Variants in NELL1 observed in about 807,000 individuals in gnomAD.
NELL1 encodes protein kinase C-binding protein NELL1.
A neutral mutation model predicts 107.4 loss-of-function variants in NELL1; 76 were observed. The ratio of observed to expected loss-of-function variants is 0.71; its 90% CI spans 0.59 to 0.86. The LOEUF is 0.86. NELL1 is among the 40% of genes least tolerant of loss of function. The probability of loss-of-function intolerance (pLI) is 0.00; values close to 1 mark genes in which losing one functional copy is unlikely to be tolerated. For synonymous variants in NELL1, 353 were observed against 341.2 expected (o/e 1.03, Z -0.38); for missense variants, 1,024 against 1,005.5 (o/e 1.02, Z -0.25).
chr11:21,200,788 T>C (rs1857252517), intron 13 of NELL1, among the ~76,000 whole-genome samples: 1 of 152,260 alleles, frequency 6.6e-6, no homozygotes, highest in Non-Finnish European at 1.5e-5. Flanking sequence ...AAGTCTTTAA[T>C]CCATCTTGAG....
chr11:20,758,511 T>C (rs560399293), intron 2 of NELL1, among the ~76,000 whole-genome samples: 8 of 152,100 alleles, frequency 5.3e-5, no homozygotes, highest in African/African-American at 4.8e-5. Flanking sequence ...CAACTGACAA[T>C]AGAGAGAGGT....
At chr11:21,462,956 G>T (rs1030900569) in intron 15 of NELL1, among the ~76,000 whole-genome samples, 1 of 152,004 alleles carries the variant, frequency 6.6e-6, no homozygotes, top group African/African-American at 2.4e-5. Flanking sequence ...ACTTGTCAAG[G>T]CAAAAGGAAC....
At chr11:20,852,350 C>T (rs1848809652) in intron 4 of NELL1, among the ~76,000 whole-genome samples, 1 of 152,148 alleles carries the variant, frequency 6.6e-6, no homozygotes, top group South Asian at 2.1e-4. Context: ...TCTTGAAAAG[C>T]ATGCAGAATC....
intron 15 of NELL1, among the ~76,000 whole-genome samples, chr11:21,383,143 G>C (rs1945450): frequency 0.07 from 10,672 of 151,972 alleles, 1,022 homozygotes; most frequent in African/African-American, 0.22. Flanking sequence ...TAGTAGGACT[G>C]ACTGAATGAT....
chr11:21,399,445 C>G (rs1478735528), intron 15 of NELL1, among the ~76,000 whole-genome samples: 1 of 151,732 alleles, frequency 6.6e-6, no homozygotes, highest in Non-Finnish European at 1.5e-5. Context: ...TAATGTGTAT[C>G]ATTAAGCAAC....
chr11:21,372,003 A>T (rs1851367656), intron 15 of NELL1, among the ~76,000 whole-genome samples: 1 of 152,114 alleles, frequency 6.6e-6, no homozygotes, highest in African/African-American at 2.4e-5. Context: ...GACATGCCAA[A>T]AGGTAACTAA....
At chr11:20,690,325 G>C (rs1276658886) in intron 2 of NELL1, among the ~76,000 whole-genome samples, 1 of 152,194 alleles carries the variant, frequency 6.6e-6, no homozygotes, top group African/African-American at 2.4e-5. Flanking sequence ...TGTTGCCATT[G>C]CTTTTGGTGT....
At chr11:21,505,101 C>T (rs898328913) in intron 15 of NELL1, among the ~76,000 whole-genome samples, 2 of 152,036 alleles carry the variant, frequency 1.3e-5, no homozygotes, top group African/African-American at 4.8e-5. Context: ...ATGTGAAGCC[C>T]GGAATGGCAT....
chr11:21,168,408 A>T (rs1412448148), intron 13 of NELL1, among the ~76,000 whole-genome samples: 1 of 151,812 alleles, frequency 6.6e-6, no homozygotes, highest in Non-Finnish European at 1.5e-5. Context: ...CAATTTATGT[A>T]TAATATTCTT....
intron 12 of NELL1, among the ~76,000 whole-genome samples, chr11:21,042,288 T>C (rs1444431094): frequency 6.6e-6 from 1 of 152,170 alleles, no homozygotes; most frequent in African/African-American, 2.4e-5. Flanking sequence ...TATTGTTGTA[T>C]GGGATTCATA....
chr11:20,849,466 G>A (rs1187859968), intron 4 of NELL1, among the ~76,000 whole-genome samples: 1 of 152,148 alleles, frequency 6.6e-6, no homozygotes, highest in Non-Finnish European at 1.5e-5. Context: ...TACTCTGTAT[G>A]TCCTTCATGG....
chr11:21,557,497 T>C (rs1031769228), intron 16 of NELL1, among the ~76,000 whole-genome samples: 1 of 152,008 alleles, frequency 6.6e-6, no homozygotes, highest in African/African-American at 2.4e-5. Context: ...TTACCAACCC[T>C]TTTGTAGCCA....
intron 14 of NELL1, among the ~76,000 whole-genome samples, chr11:21,306,762 GTTA>G (rs1452298474): frequency 1.3e-5 from 2 of 152,016 alleles, no homozygotes; most frequent in African/African-American, 4.8e-5. Context: ...TGAGCACAAG[GTTA>G]TTACACTGTA....
intron 2 of NELL1, among the ~76,000 whole-genome samples, chr11:20,744,323 A>G (rs756265525): frequency 8.5e-5 from 13 of 152,198 alleles, no homozygotes; most frequent in Non-Finnish European, 5.9e-5. Flanking sequence ...TTTCTATCTC[A>G]TCCATATTAT....
intron 14 of NELL1, among the ~76,000 whole-genome samples, chr11:21,304,772 C>T (rs961846304): frequency 3.3e-5 from 5 of 151,858 alleles, no homozygotes; most frequent in African/African-American, 1.2e-4. Flanking sequence ...ATTGTTTCTT[C>T]CATTTCCCCT....
intron 16 of NELL1, among the ~76,000 whole-genome samples, chr11:21,554,907 A>C (rs1856670043): frequency 6.6e-6 from 1 of 151,932 alleles, no homozygotes; most frequent in Non-Finnish European, 1.5e-5. Flanking sequence ...AGTGCCAGGC[A>C]AACTGGTATC....
intron 15 of NELL1, among the ~76,000 whole-genome samples, chr11:21,409,364 A>G (rs1011594648): frequency 4.6e-5 from 7 of 152,036 alleles, no homozygotes; most frequent in Non-Finnish European, 8.8e-5. Flanking sequence ...TCTCACTCAT[A>G]GGTGGGAATT....
chr11:21,511,799 G>A (rs1223922463), intron 15 of NELL1, among the ~76,000 whole-genome samples: 2 of 152,142 alleles, frequency 1.3e-5, no homozygotes, highest in African/African-American at 4.8e-5. Context: ...AGAATGGTAT[G>A]GGATGAGAAA....
At position 20,857,274 on chromosome 11, in the gene NELL1, T is replaced by A. The variant is rs536408878; in HGVS notation, c.506+9521T>A. Among the ~76,000 whole-genome samples, 3 of 150,692 alleles carry A rather than the reference T, an allele frequency of 2.0e-5. No individual in the cohort carries two copies. In the South Asian group the frequency reaches 6.3e-4, roughly 32 times the overall value. On this transcript the variant is annotated intron_variant, in intron 4 of 19. Coordinates refer to ENST00000357134, the MANE Select transcript of NELL1 (RefSeq NM_006157.5). ...TGTGAGAGAGCTGCTGATGAGAGAG[T>A]CGCTGAATAAAACCGTATTTCACCT...
Sources: gnomAD v4.1 joint callset for allele counts (sites outside exome capture counted in the v4.1 genomes callset) on GRCh38, gnomAD v4.1.1 for gene constraint, MANE v1.5 for transcripts, NCBI Gene and HGNC (gene_info 2026-07-23, HGNC 2026-07-21) for gene names.